Variants in HCRTR2 observed in about 807,000 individuals in gnomAD.
The protein encoded by HCRTR2 is orexin receptor type 2.
A neutral mutation model predicts 49.0 loss-of-function variants in HCRTR2; 22 were observed. The observed-to-expected ratio is 0.45, with a 90% CI of 0.32 to 0.64. The LOEUF is 0.64. HCRTR2 is among the 30% of genes least tolerant of loss of function. HCRTR2 has a pLI of 0.04. For missense variants in HCRTR2, 491 were observed against 559.4 expected (o/e 0.88, Z 1.23); for synonymous variants, 236 against 205.3 (o/e 1.15, Z -1.28).
At chr6:55,192,786 A>G (rs965933811) in intron 1 of HCRTR2, among the ~76,000 whole-genome samples, 2 of 152,222 alleles carry the variant, frequency 1.3e-5, no homozygotes, top group Non-Finnish European at 1.5e-5. Flanking sequence ...CTACGTAACA[A>G]CTGGATATAT....
At chr6:55,180,184 A>C (rs142350671) in intron 1 of HCRTR2, among the ~76,000 whole-genome samples, 36 of 152,364 alleles carry the variant, frequency 2.4e-4, no homozygotes, top group African/African-American at 8.2e-4. Flanking sequence ...AGGTTTTACA[A>C]ATAAGAAAAA....
chr6:55,250,172 T>G (rs1766522077), intron 2 of HCRTR2, among the ~76,000 whole-genome samples: 1 of 152,100 alleles, frequency 6.6e-6, no homozygotes, highest in Admixed American at 6.6e-5. Context: ...TATGTTTAAT[T>G]ATAAAGCTAG....
chr6:55,176,898 A>T (rs1258775024), intron 1 of HCRTR2, among the ~76,000 whole-genome samples: 2 of 152,118 alleles, frequency 1.3e-5, no homozygotes, highest in African/African-American at 2.4e-5. Context: ...AGAAGCAGTA[A>T]TTTTTTTATG....
At chr6:55,217,011 T>C (rs1280702249) in intron 1 of HCRTR2, among the ~76,000 whole-genome samples, 1 of 152,160 alleles carries the variant, frequency 6.6e-6, no homozygotes, top group Non-Finnish European at 1.5e-5. Context: ...CTTATGGCTT[T>C]TGCTTTCTGG....
chr6:55,184,947 A>G (rs949866920), intron 1 of HCRTR2, among the ~76,000 whole-genome samples: 11 of 152,100 alleles, frequency 7.2e-5, no homozygotes, highest in African/African-American at 2.4e-4. Flanking sequence ...TGAGTCAACC[A>G]CTTTGGTAGA....
intron 1 of HCRTR2, among the ~76,000 whole-genome samples, chr6:55,126,093 C>T (rs918959835): frequency 2.6e-5 from 4 of 151,902 alleles, no homozygotes; most frequent in African/African-American, 9.7e-5. Context: ...TTTGTTATTA[C>T]CCATCTTCTG....
At chr6:55,194,082 A>G (rs1446068951) in intron 1 of HCRTR2, among the ~76,000 whole-genome samples, 1 of 152,172 alleles carries the variant, frequency 6.6e-6, no homozygotes, top group Non-Finnish European at 1.5e-5. Context: ...AGTTGAGCTA[A>G]AAAAAGAAAA....
In HCRTR2 at chr6:55,108,760, A is replaced by G. The variant is rs186928669; in HGVS notation, c.-378+2215A>G. Among the ~76,000 whole-genome samples, 54 of 152,120 alleles carry G rather than the reference A, an allele frequency of 3.5e-4. 1 individual carries two copies. The East Asian group carries it at 9.4e-3, about 27-fold the overall frequency. On this transcript the variant is annotated intron_variant, in intron 1 of 7. Transcript: ENST00000615358. Reference sequence around the variant, plus strand: ...GGAAAGGCCACAGGGAGAAGAAAACATCTGGCTTTTTGTAATTTTGTAATA... The same window carrying G: ...GGAAAGGCCACAGGGAGAAGAAAACGTCTGGCTTTTTGTAATTTTGTAATA...
chr6:55,146,454 T>G lies in HCRTR2; in HGVS notation c.-377-27757T>G, dbSNP rs141998860. Among the ~76,000 whole-genome samples, 3 of 152,244 alleles carry G rather than the reference T, an allele frequency of 2.0e-5. No individual in the cohort carries two copies. In the East Asian group the frequency reaches 5.8e-4, roughly 29 times the overall value. Reference sequence around the variant, plus strand: ...AATGACATTTCAAGGTCAAAAATGCTAATTCATTCCTGGGCAAATGCAAGA... The same window carrying G: ...AATGACATTTCAAGGTCAAAAATGCGAATTCATTCCTGGGCAAATGCAAGA... On this transcript the variant is annotated intron_variant, in intron 1 of 7. Coordinates refer to the HCRTR2 transcript ENST00000615358.
chr6:55,180,677 A>G (rs112934230), intron 1 of HCRTR2, among the ~76,000 whole-genome samples: 1,557 of 152,330 alleles, frequency 0.01, 12 homozygotes, highest in Non-Finnish European at 0.017. Context: ...GAGCCTAAAC[A>G]CTTAACACTT....
At chr6:55,277,678 CT>C in intron 5 of HCRTR2, 78 bp downstream of exon 5, 1 of 844,456 alleles carries the variant, frequency 1.2e-6, no homozygotes, top group Non-Finnish European at 1.8e-6. Flanking sequence ...TTTTTTTTAA[CT>C]AAGCCAGAGA....
chr6:55,249,392 G>A (rs950134429), intron 2 of HCRTR2, among the ~76,000 whole-genome samples: 2 of 151,608 alleles, frequency 1.3e-5, no homozygotes, highest in African/African-American at 4.8e-5. Context: ...TACCGGATTT[G>A]GAATCTCCGT....
At chr6:55,202,683 C>A (rs930820628) in intron 1 of HCRTR2, among the ~76,000 whole-genome samples, 6 of 152,114 alleles carry the variant, frequency 3.9e-5, no homozygotes, top group Non-Finnish European at 8.8e-5. Context: ...TTCATGAAGG[C>A]TCTGCTCTCA....
At chr6:55,197,474 T>G (rs887340050) in intron 1 of HCRTR2, among the ~76,000 whole-genome samples, 4 of 152,122 alleles carry the variant, frequency 2.6e-5, no homozygotes, top group Non-Finnish European at 5.9e-5. Flanking sequence ...CCCAATTCTA[T>G]CTGTAATCCT....
At chr6:55,197,352 C>G (rs1765435363) in intron 1 of HCRTR2, among the ~76,000 whole-genome samples, 1 of 152,092 alleles carries the variant, frequency 6.6e-6, no homozygotes. Flanking sequence ...AACACAAATT[C>G]CAATTCTACT....
chr6:55,129,395 C>A (rs968653541), intron 1 of HCRTR2, among the ~76,000 whole-genome samples: 3 of 152,030 alleles, frequency 2.0e-5, no homozygotes, highest in African/African-American at 7.2e-5. Context: ...CAGTTTACAT[C>A]TAAAATGGGT....
chr6:55,250,236 A>AT (rs901566304), intron 2 of HCRTR2, among the ~76,000 whole-genome samples: 9 of 152,084 alleles, frequency 5.9e-5, no homozygotes, highest in South Asian at 4.1e-4. Context: ...ACAGTAGCAC[A>AT]TTTTTTTGTG....
intron 1 of HCRTR2, among the ~76,000 whole-genome samples, chr6:55,154,802 A>G (rs145284093): frequency 2.2e-3 from 340 of 151,900 alleles, no homozygotes; most frequent in Non-Finnish European, 3.9e-3. Context: ...TCATGTGTAG[A>G]CAACCTTAAA....
intron 1 of HCRTR2, among the ~76,000 whole-genome samples, chr6:55,108,435 A>G (rs2127610007): frequency 6.6e-6 from 1 of 152,122 alleles, no homozygotes; most frequent in South Asian, 2.1e-4. Flanking sequence ...GAGTGCCCAA[A>G]ATGTGAGATG....
Sources: allele counts gnomAD v4.1 joint callset (sites outside exome capture counted in the v4.1 genomes callset), GRCh38; gene constraint gnomAD v4.1.1; transcripts MANE v1.5; gene names NCBI Gene and HGNC (gene_info 2026-07-23, HGNC 2026-07-21).